Variants in PLCL2 observed in about 807,000 individuals in gnomAD.
PLCL2 encodes the protein inactive phospholipase C-like protein 2.
A neutral mutation model predicts 79.6 loss-of-function variants in PLCL2; 4 were observed. That is an observed-to-expected ratio of 0.05 (90% CI 0.02 to 0.11). The LOEUF (loss-of-function observed/expected upper bound fraction) is 0.11. Among genes scored for constraint, PLCL2 ranks in the 10% least tolerant of loss-of-function variants. PLCL2 has a pLI of 1.00. For missense variants in PLCL2, 895 were observed against 1,291.0 expected (o/e 0.69, Z 4.70); for synonymous variants, 484 against 457.7 (o/e 1.06, Z -0.73).
chr3:17,035,863 T>G (rs2064645406), intron 3 of PLCL2: 1 of 487,176 alleles, frequency 2.1e-6, no homozygotes, highest in Admixed American at 2.0e-5. Flanking sequence ...GGGTCCTGTG[T>G]GTGGCAGCAC....
intron 4 of PLCL2, among the ~76,000 whole-genome samples, chr3:17,046,063 G>T (rs1455864493): frequency 6.6e-6 from 1 of 152,098 alleles, no homozygotes; most frequent in African/African-American, 2.4e-5. Flanking sequence ...GGGGTGATAT[G>T]GGATGCGTGA....
chr3:17,021,403 A>G (rs1362332926), intron 3 of PLCL2, among the ~76,000 whole-genome samples: 1 of 152,196 alleles, frequency 6.6e-6, no homozygotes, highest in Non-Finnish European at 1.5e-5. Context: ...TGGTAACATC[A>G]CATGTATTAT....
At chr3:17,026,837 A>G (rs1366636031) in intron 3 of PLCL2, among the ~76,000 whole-genome samples, 1 of 152,126 alleles carries the variant, frequency 6.6e-6, no homozygotes, top group Non-Finnish European at 1.5e-5. Context: ...ACTACACTCC[A>G]GTCTGGGTGA....
At chr3:17,000,479 T>C (rs1198293646) in intron 1 of PLCL2, among the ~76,000 whole-genome samples, 1 of 152,124 alleles carries the variant, frequency 6.6e-6, no homozygotes, top group South Asian at 2.1e-4. Context: ...TTTTGAAATA[T>C]ACAATAAAGT....
intron 1 of PLCL2, among the ~76,000 whole-genome samples, chr3:16,891,566 T>A (rs946724766): frequency 1.4e-4 from 21 of 152,222 alleles, no homozygotes; most frequent in Non-Finnish European, 1.8e-4. Flanking sequence ...TGCACACACA[T>A]GTAAATAGCC....
intron 1 of PLCL2, among the ~76,000 whole-genome samples, chr3:16,992,267 G>C (rs536387815): frequency 6.6e-6 from 1 of 152,218 alleles, no homozygotes; most frequent in Admixed American, 6.5e-5. Context: ...TCTTAAGAAG[G>C]TCACCTGGAA....
chr3:17,044,958 C>T (rs1195943117), intron 4 of PLCL2, among the ~76,000 whole-genome samples: 1 of 152,100 alleles, frequency 6.6e-6, no homozygotes, highest in African/African-American at 2.4e-5. Flanking sequence ...GTTCAAGTTG[C>T]TCTGGGTTTA....
chr3:16,926,710 C>T (rs1056074817), intron 1 of PLCL2, among the ~76,000 whole-genome samples: 9 of 151,958 alleles, frequency 5.9e-5, no homozygotes, highest in Admixed American at 5.9e-4. Flanking sequence ...TGGCTCACTG[C>T]AGGCTCTGCC....
At chr3:16,998,725 T>C (rs750053042) in intron 1 of PLCL2, among the ~76,000 whole-genome samples, 1 of 152,244 alleles carries the variant, frequency 6.6e-6, no homozygotes, top group Non-Finnish European at 1.5e-5. Context: ...GTGAAAATGC[T>C]TTGCCAAAAG....
chr3:16,980,497 G>A (rs1226048682), intron 1 of PLCL2, among the ~76,000 whole-genome samples: 103 of 150,384 alleles, frequency 6.8e-4, no homozygotes, highest in African/African-American at 2.4e-3. Flanking sequence ...CATCCCGGAC[G>A]GGGCGGCAGG....
chr3:17,029,898 C>T (rs1162939182), intron 3 of PLCL2, among the ~76,000 whole-genome samples: 1 of 152,154 alleles, frequency 6.6e-6, no homozygotes, highest in Non-Finnish European at 1.5e-5. Flanking sequence ...CCCAGGGCAA[C>T]AGAAGATATT....
intron 5 of PLCL2, among the ~76,000 whole-genome samples, chr3:17,078,033 A>G (rs752031477): frequency 6.6e-5 from 10 of 152,060 alleles, no homozygotes; most frequent in East Asian, 5.8e-4. Context: ...TCCTCTAAGC[A>G]TTTATTTCAA....
At chr3:16,933,544 C>T (rs142518467) in intron 1 of PLCL2, among the ~76,000 whole-genome samples, 10 of 152,180 alleles carry the variant, frequency 6.6e-5, no homozygotes, top group Non-Finnish European at 1.2e-4. Context: ...ATATTTGACT[C>T]ATGAATCAGC....
At chr3:16,902,562 C>T (rs1025309071) in intron 1 of PLCL2, among the ~76,000 whole-genome samples, 4 of 152,244 alleles carry the variant, frequency 2.6e-5, no homozygotes, top group African/African-American at 9.6e-5. Context: ...CACGGTGGCT[C>T]ATGCCTGTAA....
At chr3:16,928,659 G>A (rs1480513664) in intron 1 of PLCL2, among the ~76,000 whole-genome samples, 1 of 152,178 alleles carries the variant, frequency 6.6e-6, no homozygotes, top group Non-Finnish European at 1.5e-5. Context: ...CAGGTTGTGT[G>A]ATATTTGTCA....
intron 1 of PLCL2, among the ~76,000 whole-genome samples, chr3:16,955,289 TC>T (rs1396546981): frequency 6.6e-6 from 1 of 152,234 alleles, no homozygotes; most frequent in Admixed American, 6.5e-5. Flanking sequence ...AGGGAATCTT[TC>T]CTCCCATTTC....
chr3:17,064,848 G>A (rs2064992626), intron 4 of PLCL2, among the ~76,000 whole-genome samples: 1 of 148,234 alleles, frequency 6.7e-6, no homozygotes, highest in Non-Finnish European at 1.5e-5. Context: ...AGAATTGCTT[G>A]AACCCAGGAG....
chr3:16,890,844 A>G (rs1457944660), intron 1 of PLCL2, among the ~76,000 whole-genome samples: 1 of 152,222 alleles, frequency 6.6e-6, no homozygotes, highest in Admixed American at 6.5e-5. Flanking sequence ...GCCAGCCACT[A>G]TTCTTTGTAT....
At chr3:17,036,918 C>T (rs2064663724) in intron 3 of PLCL2, among the ~76,000 whole-genome samples, 1 of 152,156 alleles carries the variant, frequency 6.6e-6, no homozygotes, top group African/African-American at 2.4e-5. Context: ...TGTGAAACCT[C>T]TTTTATAAGG....
Sources: gnomAD v4.1 joint callset for allele counts (sites outside exome capture counted in the v4.1 genomes callset) on GRCh38, gnomAD v4.1.1 for gene constraint, MANE v1.5 for transcripts, NCBI Gene and HGNC (gene_info 2026-07-23, HGNC 2026-07-21) for gene names.